Variants in MEGF9 observed in about 807,000 individuals in gnomAD.
MEGF9 encodes the protein multiple epidermal growth factor-like domains protein 9.
Under a neutral mutation model 46.8 loss-of-function variants are expected in MEGF9, and 6 were observed. The observed-to-expected ratio is 0.13, with a 90% CI of 0.07 to 0.25. The LOEUF is 0.25. Among genes scored for constraint, MEGF9 ranks in the 10% least tolerant of loss-of-function variants. MEGF9 has a pLI of 1.00. For synonymous variants in MEGF9, 302 were observed against 330.7 expected, an observed-to-expected ratio of 0.91 and a Z score of 0.94; for missense variants, 683 against 792.4, an observed-to-expected ratio of 0.86 and a Z score of 1.66.
At chr9:120,624,914 T>A (rs2043517524) in intron 2 of MEGF9, among the ~76,000 whole-genome samples, 1 of 151,424 alleles carries the variant, frequency 6.6e-6, no homozygotes, top group African/African-American at 2.4e-5. Context: ...ATTTTGGTTG[T>A]GAGGCTGCAC....
chr9:120,697,909 A>C (rs2043885685), intron 1 of MEGF9, among the ~76,000 whole-genome samples: 1 of 152,118 alleles, frequency 6.6e-6, no homozygotes, highest in Non-Finnish European at 1.5e-5. Flanking sequence ...CTCTGTAACT[A>C]CTAAATGCTT....
At chr9:120,691,123 C>T (rs1047460593) in intron 1 of MEGF9, among the ~76,000 whole-genome samples, 2 of 152,054 alleles carry the variant, frequency 1.3e-5, no homozygotes, top group Admixed American at 1.3e-4. Context: ...TGCCAGTTTT[C>T]ATCCTCAGTT....
chr9:120,710,063 G>T (rs1285797555), intron 1 of MEGF9, among the ~76,000 whole-genome samples: 3 of 144,852 alleles, frequency 2.1e-5, no homozygotes, highest in Admixed American at 1.4e-4. Flanking sequence ...TCAAACATTT[G>T]TCATTACCTT....
chr9:120,699,906 A>G (rs377715838), intron 1 of MEGF9, among the ~76,000 whole-genome samples: 1 of 152,198 alleles, frequency 6.6e-6, no homozygotes, highest in Non-Finnish European at 1.5e-5. Context: ...GGAAAACACC[A>G]TAATTGTTAA....
At chr9:120,684,864 C>T (rs1175804334) in intron 1 of MEGF9, among the ~76,000 whole-genome samples, 1 of 150,066 alleles carries the variant, frequency 6.7e-6, no homozygotes, top group Non-Finnish European at 1.5e-5. Flanking sequence ...GACGGAGTCT[C>T]GCTCTCTCTC....
intron 1 of MEGF9, among the ~76,000 whole-genome samples, chr9:120,708,906 A>G (rs1349575180): frequency 1.3e-5 from 2 of 152,246 alleles, no homozygotes; most frequent in Admixed American, 1.3e-4. Context: ...ATATTTAAAA[A>G]TAAATAAATT....
At chr9:120,611,859 GGA>G (rs1491396667) in intron 4 of MEGF9, among the ~76,000 whole-genome samples, 54 of 136,620 alleles carry the variant, frequency 4.0e-4, no homozygotes, top group African/African-American at 1.5e-3. Flanking sequence ...AAGGAAGGAA[GGA>G]AGAAAGAGAG....
At chr9:120,619,278 T>C (rs1185547780) in intron 3 of MEGF9, among the ~76,000 whole-genome samples, 2 of 150,740 alleles carry the variant, frequency 1.3e-5, no homozygotes, top group African/African-American at 4.9e-5. Context: ...ACCCAGGAGG[T>C]GGAGGTTGCA....
intron 1 of MEGF9, among the ~76,000 whole-genome samples, chr9:120,711,328 C>A (rs1248605522): frequency 6.6e-6 from 1 of 151,956 alleles, no homozygotes; most frequent in Admixed American, 6.6e-5. Flanking sequence ...CCCTAGATAC[C>A]GATATTTTTT....
chr9:120,668,150 G>C (rs2043733577), intron 1 of MEGF9, among the ~76,000 whole-genome samples: 1 of 152,204 alleles, frequency 6.6e-6, no homozygotes, highest in Non-Finnish European at 1.5e-5. Context: ...TTTTAGGTCT[G>C]AAGAAAAGGA....
rs1040457724 is a variant in MEGF9, at chr9:120,655,213, T to A, written c.803+4161A>T. ...ATCACTGACTCACCCAGACCAACCA[T>A]CAGTCCTGCAAACTCCATTCATAGT... On this transcript the variant is annotated intron_variant, in intron 2 of 5. Coordinates refer to ENST00000373930, the MANE Select transcript of MEGF9 (RefSeq NM_001080497.3). 3.3e-5 allele frequency among the ~76,000 whole-genome samples: 5 copies of A among 152,184 alleles called. No homozygotes were observed. In the East Asian group the frequency reaches 9.6e-4, roughly 29 times the overall value.
At chr9:120,654,115 G>A (rs2043665840) in intron 2 of MEGF9, among the ~76,000 whole-genome samples, 2 of 152,222 alleles carry the variant, frequency 1.3e-5, no homozygotes, top group Non-Finnish European at 2.9e-5. Flanking sequence ...CCAGAAGTAA[G>A]AGTGTGAGAC....
At chr9:120,628,059 C>G (rs1392229487) in intron 2 of MEGF9, among the ~76,000 whole-genome samples, 1 of 152,156 alleles carries the variant, frequency 6.6e-6, no homozygotes, top group Non-Finnish European at 1.5e-5. Flanking sequence ...TGATTATAAA[C>G]TCGCTCAATA....
At chr9:120,656,906 ACT>A (rs1020080363) in intron 2 of MEGF9, among the ~76,000 whole-genome samples, 3 of 152,052 alleles carry the variant, frequency 2.0e-5, no homozygotes, top group African/African-American at 7.2e-5. Flanking sequence ...ATACGGTGCG[ACT>A]CTGTCTCAAA....
Position 120,713,875 on chromosome 9 carries a change from T to C in MEGF9, c.484A>G (p.Thr162Ala), listed in dbSNP as rs766703594. ...GGAGTCGTGGGCGCCGGTACGGTGG[T>C]CGCTACAGGGGTGGTCGGCGCCGGG... ...TGPAPTTPVA[T>A]TVPAPTTPRT... is the part of the protein sequence containing the mutation. The change falls in exon 1 of 6, where the codon ACC (threonine) becomes GCC (alanine). Residue 162 changes from threonine to alanine, a missense_variant. Transcript: ENST00000373930. 1.5e-5 allele frequency: 19 copies of C among 1,302,248 alleles called. No homozygotes were observed. The highest frequency in any genetic ancestry group is 1.8e-5 in the Non-Finnish European group (18 of 1,022,874). 80.7% of individuals were successfully genotyped at this position (1,302,248 alleles called of 1,614,324 possible). A position where few individuals can be genotyped will look rare whatever the true frequency, so the allele number is the denominator to read the frequency against.
rs938808653 is a variant in MEGF9, at chr9:120,601,299, C to T, written c.*3891G>A. 6.6e-6 allele frequency: 1 copy of T among 152,154 alleles called. No individual in the cohort carries two copies. Among genetic ancestry groups the T allele is most frequent in the Admixed American group, 6.5e-5 (1 of 15,278 alleles). 9.4% of individuals were successfully genotyped at this position (152,154 alleles called of 1,614,324 possible). A position where few individuals can be genotyped will look rare whatever the true frequency, so the allele number is the denominator to read the frequency against. On this transcript the variant is annotated 3_prime_UTR_variant, in exon 6 of 6. Transcript: ENST00000373930. Reference sequence around the variant, plus strand: ...CCCACATAGCCCAAAATATAGGAACCAGGGATGTTCATTATAAGTGGTGTT... The same window carrying T: ...CCCACATAGCCCAAAATATAGGAACTAGGGATGTTCATTATAAGTGGTGTT...
At position 120,622,712 on chromosome 9, in the gene MEGF9, A is replaced by T. The variant is rs1449756580; in HGVS notation, c.847T>A (p.Cys283Ser). Residue 283 changes from cysteine to serine, a missense_variant, in exon 3 of 6, where the codon TGT becomes AGT. Cys to Ser is a moderately radical substitution (Grantham distance 112). Around this residue, in one of 2 missense-constraint regions of MEGF9, gnomAD observed 313 missense variants for 421.1 expected, o/e 0.74. Coordinates refer to ENST00000373930, the MANE Select transcript of MEGF9 (RefSeq NM_001080497.3). ...QCKVGVIGSI[C>S]DRCQDGYYGF... ...TAATATCCATCTTGGCATCGGTCAC[A>T]TATAGAGCCAATGACACCCACTTTG... 3 of 1,613,906 alleles carry T rather than the reference A, an allele frequency of 1.9e-6. No homozygotes were observed. Among genetic ancestry groups the T allele is most frequent in the Non-Finnish European group, 2.5e-6 (3 of 1,179,856 alleles).
In MEGF9 at chr9:120,607,973, T is replaced by C. The variant is rs1339502857; in HGVS notation, c.1125A>G (p.Lys375=). ...TGCAGTTCGGGCCTATGTAACCATCTTTACACTGGTCACATTCAGGTTCCA... is the reference window on the plus strand; with the variant it reads ...TGCAGTTCGGGCCTATGTAACCATCCTTACACTGGTCACATTCAGGTTCCA... ...SELEPECDQC[K]DGYIGPNCNK... Residue 375 remains lysine (K), a synonymous_variant, in exon 5 of 6, where the codon AAA becomes AAG. Transcript: ENST00000373930. 4 of 1,613,888 alleles carry C rather than the reference T, an allele frequency of 2.5e-6. No homozygotes were observed. The African/African-American group carries it at 5.3e-5, about 22-fold the overall frequency.
At chr9:120,710,476 T>C (rs1042986756) in intron 1 of MEGF9, among the ~76,000 whole-genome samples, 4 of 149,554 alleles carry the variant, frequency 2.7e-5, no homozygotes, top group African/African-American at 9.9e-5. Flanking sequence ...TCAGTGAATG[T>C]TTTGCTGGGT....
Sources: gnomAD v4.1 joint callset for allele counts (sites outside exome capture counted in the v4.1 genomes callset) on GRCh38, gnomAD v4.1.1 for gene constraint, gnomAD v4.1.1 regional missense constraint, MANE v1.5 for transcripts, NCBI Gene and HGNC (gene_info 2026-07-23, HGNC 2026-07-21) for gene names.